Variants in COG5 observed in about 807,000 individuals in gnomAD.
COG5 encodes the protein conserved oligomeric Golgi complex subunit 5.
Under a neutral mutation model 110.4 loss-of-function variants are expected in COG5, and 86 were observed. That is an observed-to-expected ratio of 0.78 (90% confidence interval 0.65 to 0.93). The LOEUF (loss-of-function observed/expected upper bound fraction) is 0.93. Among genes scored for constraint, COG5 ranks in the 40% least tolerant of loss-of-function variants. The pLI is 0.00. For synonymous variants in COG5, 360 were observed against 334.6 expected (o/e 1.08, Z -0.83); for missense variants, 1,077 against 987.0 (o/e 1.09, Z -1.22).
rs374571679 is a variant in COG5 at position 107,276,045 on chromosome 7, GA to G, written c.1575+5254del. 3.3e-3 allele frequency among the ~76,000 whole-genome samples: 504 copies of G among 152,156 alleles called. 4 individuals are homozygous for G. Among genetic ancestry groups the G allele is most frequent in the African/African-American group, 0.011 (475 of 41,500 alleles). On this transcript the variant is annotated intron_variant, in intron 14 of 21. Transcript: ENST00000297135. ...TCATACATAGCTACTGATCTGCATT[GA>G]AGTTGAGACCTCCCCTTAAATGTCA...
At chr7:107,322,354 C>A (rs1809377179) in intron 11 of COG5, among the ~76,000 whole-genome samples, 1 of 152,180 alleles carries the variant, frequency 6.6e-6, no homozygotes, top group South Asian at 2.1e-4. Flanking sequence ...CAGGCCCTCA[C>A]CAAATACTAA....
intron 10 of COG5, among the ~76,000 whole-genome samples, chr7:107,326,732 G>T (rs1809799173): frequency 6.6e-6 from 1 of 152,084 alleles, no homozygotes. Flanking sequence ...CAAATGATCT[G>T]CAGATTCTCA....
At chr7:107,360,992 T>A (rs564998563) in intron 10 of COG5, among the ~76,000 whole-genome samples, 3 of 152,338 alleles carry the variant, frequency 2.0e-5, no homozygotes, top group African/African-American at 7.2e-5. Flanking sequence ...CTGGGTCCTA[T>A]CCATCCTCCT....
intron 6 of COG5, among the ~76,000 whole-genome samples, chr7:107,484,083 TTTTA>T (rs796878658): frequency 3.9e-5 from 6 of 152,238 alleles, no homozygotes; most frequent in African/African-American, 1.4e-4. Flanking sequence ...AACTTTAGCA[TTTTA>T]TTTTTCTTTT....
intron 7 of COG5, among the ~76,000 whole-genome samples, chr7:107,404,016 T>C (rs185380434): frequency 6.6e-6 from 1 of 152,260 alleles, no homozygotes; most frequent in East Asian, 1.9e-4. Context: ...AATTTAGTTT[T>C]TAACAAAAGA....
chr7:107,283,711 G>A lies in COG5; in HGVS notation c.1335C>T (p.Asp445=), dbSNP rs750737006. The A allele has an allele frequency of 6.2e-7, 1 of 1,613,978 alleles. No individual in the cohort carries two copies. The highest frequency in any genetic ancestry group is 1.1e-5 in the South Asian group (1 of 91,074). The change falls in exon 13 of 22, where the codon GAC becomes GAT. Residue 445 remains aspartate (D), a synonymous_variant. Coordinates refer to ENST00000297135, the MANE Select transcript of COG5 (RefSeq NM_006348.5). ...PDYDPEKALK[D]SLQPYEAAYL... ...AAGCAGCCTCATAGGGTTGTAGTGA[G>A]TCTTTCAAAGCCTTTTCTGGACTGT...
intron 10 of COG5, among the ~76,000 whole-genome samples, chr7:107,351,078 C>T (rs1812094404): frequency 6.6e-6 from 1 of 152,140 alleles, no homozygotes; most frequent in Admixed American, 6.5e-5. Flanking sequence ...GGTCCCTATA[C>T]AAGTAAAACA....
chr7:107,545,609 A>T lies in COG5; in HGVS notation c.417+2502T>A, dbSNP rs181842943. Among the ~76,000 whole-genome samples, 18 of 152,052 alleles carry T rather than the reference A, an allele frequency of 1.2e-4. No homozygotes were observed. In the East Asian group the frequency reaches 3.3e-3, roughly 28 times the overall value. On this transcript the variant is annotated intron_variant, in intron 5 of 21. Coordinates refer to ENST00000297135, the MANE Select transcript of COG5 (RefSeq NM_006348.5). ...AGCCTGGCCAAGAAGGCGAAATGCC[A>T]TCTCTACCAAAAATACAAAAATTAG...
intron 8 of COG5, among the ~76,000 whole-genome samples, chr7:107,371,739 A>G (rs780095732): frequency 3.9e-5 from 6 of 152,190 alleles, no homozygotes; most frequent in Admixed American, 6.5e-5. Flanking sequence ...ACACAACTAT[A>G]TGTGAAGGGA....
chr7:107,323,442 A>G (rs773464848), intron 11 of COG5, among the ~76,000 whole-genome samples: 12 of 152,196 alleles, frequency 7.9e-5, no homozygotes, highest in Non-Finnish European at 1.3e-4. Flanking sequence ...GAGGCAGGAG[A>G]ATTGCTTGAA....
intron 14 of COG5, among the ~76,000 whole-genome samples, chr7:107,265,662 T>C (rs1469144066): frequency 1.8e-4 from 27 of 152,354 alleles, no homozygotes. Context: ...TATCACTTAG[T>C]TTATTATAAC....
chr7:107,279,556 T>C (rs1805000774), intron 14 of COG5, among the ~76,000 whole-genome samples: 1 of 152,142 alleles, frequency 6.6e-6, no homozygotes, highest in Non-Finnish European at 1.5e-5. Flanking sequence ...AAAACAGGTA[T>C]AATTTTAGCA....
chr7:107,416,068 C>G (rs1792822076), intron 6 of COG5, among the ~76,000 whole-genome samples: 1 of 149,284 alleles, frequency 6.7e-6, no homozygotes, highest in South Asian at 2.1e-4. Context: ...TTAGTAAAAA[C>G]CAGTTTGGAA....
chr7:107,317,799 A>T (rs1367190121), intron 11 of COG5, among the ~76,000 whole-genome samples: 1 of 152,156 alleles, frequency 6.6e-6, no homozygotes, highest in Non-Finnish European at 1.5e-5. Flanking sequence ...AAATTCAACC[A>T]AACAAAAACC....
At chr7:107,239,370 G>C (rs1002366712) in intron 17 of COG5, among the ~76,000 whole-genome samples, 37 of 152,234 alleles carry the variant, frequency 2.4e-4, no homozygotes, top group African/African-American at 8.4e-4. Context: ...CTGTAATATA[G>C]TTTAAAATTA....
intron 7 of COG5, among the ~76,000 whole-genome samples, chr7:107,384,387 C>T (rs909153028): frequency 1.3e-5 from 2 of 152,152 alleles, no homozygotes; most frequent in African/African-American, 2.4e-5. Context: ...GGTGGAGCCT[C>T]GGGAAGTTCA....
At chr7:107,543,166 C>T (rs1802168046) in intron 5 of COG5, among the ~76,000 whole-genome samples, 2 of 152,122 alleles carry the variant, frequency 1.3e-5, no homozygotes, top group South Asian at 2.1e-4. Context: ...AACCACTATC[C>T]ATACACAAAA....
intron 19 of COG5, among the ~76,000 whole-genome samples, chr7:107,227,211 T>C (rs771103304): frequency 6.6e-6 from 1 of 152,080 alleles, no homozygotes; most frequent in Non-Finnish European, 1.5e-5. Context: ...GAAATAGAAA[T>C]GTTAGAGGTT....
intron 17 of COG5, among the ~76,000 whole-genome samples, chr7:107,241,158 T>C (rs1397712538): frequency 6.6e-6 from 1 of 152,154 alleles, no homozygotes; most frequent in Non-Finnish European, 1.5e-5. Flanking sequence ...GCTCACCAAT[T>C]AAATTAAAAG....
Sources: allele counts gnomAD v4.1 joint callset (sites outside exome capture counted in the v4.1 genomes callset), GRCh38; gene constraint gnomAD v4.1.1; transcripts MANE v1.5; gene names NCBI Gene and HGNC (gene_info 2026-07-23, HGNC 2026-07-21).